PRLR: variants seen among roughly 807,000 people sequenced by gnomAD.
PRLR encodes the protein hPRL receptor.
Under a neutral mutation model 40.2 loss-of-function variants are expected in PRLR, and 13 were observed. The observed-to-expected ratio is 0.32, with a 90% CI of 0.21 to 0.51. The LOEUF is 0.51. PRLR is among the 20% of genes least tolerant of loss of function. The probability of loss-of-function intolerance (pLI) is 0.97; values close to 1 mark genes in which losing one functional copy is unlikely to be tolerated. For synonymous variants in PRLR, 269 were observed against 278.7 expected (o/e 0.97, Z 0.35); for missense variants, 656 against 747.3 (o/e 0.88, Z 1.42).
At chr5:35,108,349 A>G (rs1456353687) in intron 2 of PRLR, among the ~76,000 whole-genome samples, 1 of 152,210 alleles carries the variant, frequency 6.6e-6, no homozygotes, top group Non-Finnish European at 1.5e-5. Context: ...CTCCTATTCA[A>G]CATAGTATTG....
chr5:35,114,263 T>C (rs982412695), intron 2 of PRLR, among the ~76,000 whole-genome samples: 1 of 152,230 alleles, frequency 6.6e-6, no homozygotes, highest in Non-Finnish European at 1.5e-5. Flanking sequence ...ATCAGCCACA[T>C]TGAATTTGGC....
At position 35,059,148 on chromosome 5, in the gene PRLR, G is replaced by A. The variant is rs1768891861; in HGVS notation, c.*5941C>T. On this transcript the variant is annotated 3_prime_UTR_variant, in exon 10 of 10. Transcript: ENST00000618457. ...GCGTAATTTGACCATAACTATTAAAGGTTATTTTTTATATTACTACTTCAG... is the reference window on the plus strand; with the variant it reads ...GCGTAATTTGACCATAACTATTAAAAGTTATTTTTTATATTACTACTTCAG... 1 of 151,990 alleles carries A rather than the reference G, an allele frequency of 6.6e-6. No individual in the cohort carries two copies. Among genetic ancestry groups the A allele is most frequent in the South Asian group, 2.1e-4 (1 of 4,826 alleles). The allele number at this position is 151,990 out of a possible 1,614,324, so 9.4% of individuals were successfully genotyped here.
chr5:35,049,450 A>G, intron 8 of PRLR: 1 of 700,628 alleles, frequency 1.4e-6, no homozygotes, highest in Non-Finnish European at 2.6e-6. Context: ...AATAACTTCT[A>G]GAGGGAAAGT....
At chr5:35,096,625 C>CTT (rs563600576) in intron 2 of PRLR, among the ~76,000 whole-genome samples, 165 of 145,042 alleles carry the variant, frequency 1.1e-3, no homozygotes, top group Middle Eastern at 7.1e-3. Context: ...TCTTTACTTT[C>CTT]TTTTTTTTTT....
At chr5:35,204,171 C>T (rs1775950606) in intron 1 of PRLR, among the ~76,000 whole-genome samples, 1 of 150,794 alleles carries the variant, frequency 6.6e-6, no homozygotes, top group Non-Finnish European at 1.5e-5. Flanking sequence ...GAATGTTGCG[C>T]CGTTGTATTC....
At chr5:35,211,508 G>T (rs1322378192) in intron 1 of PRLR, among the ~76,000 whole-genome samples, 1 of 152,136 alleles carries the variant, frequency 6.6e-6, no homozygotes, top group Admixed American at 6.5e-5. Context: ...ACAGAATATG[G>T]TTAATACGAA....
intron 5 of PRLR, among the ~76,000 whole-genome samples, chr5:35,082,709 A>T (rs894407022): frequency 1.1e-4 from 17 of 152,190 alleles, no homozygotes; most frequent in African/African-American, 3.4e-4. Context: ...GTCATTCTGT[A>T]CTGCAGGTTA....
At chr5:35,083,524 C>CTTT (rs59813376) in intron 5 of PRLR, among the ~76,000 whole-genome samples, 3 of 136,436 alleles carry the variant, frequency 2.2e-5, no homozygotes, top group African/African-American at 8.2e-5. Context: ...CTTTTCTTTT[C>CTTT]TTTTTTTTTT....
rs148679436 is a variant in PRLR, at chr5:35,119,687, G to A, written c.-105-1565C>T. Among the ~76,000 whole-genome samples the A allele has an allele frequency of 1.0e-3, 154 of 152,268 alleles. 1 individual carries two copies. Among genetic ancestry groups the A allele is most frequent in the Non-Finnish European group, 5.0e-4 (34 of 68,012 alleles). On this transcript the variant is annotated intron_variant, in intron 1 of 9. Transcript: ENST00000618457. ...TCTAAGAATTATTTTAGAACTTAAA[G>A]TTCTCTCTTTGATTAGAGTTGTCCT...
At chr5:35,224,482 C>G (rs1579820307) in intron 1 of PRLR, among the ~76,000 whole-genome samples, 1 of 152,174 alleles carries the variant, frequency 6.6e-6, no homozygotes, top group Non-Finnish European at 1.5e-5. Context: ...CTGCCATTTC[C>G]CCCAGATTTG....
chr5:35,116,483 A>T (rs1007092075), intron 2 of PRLR, among the ~76,000 whole-genome samples: 1 of 152,214 alleles, frequency 6.6e-6, no homozygotes, highest in South Asian at 2.1e-4. Flanking sequence ...ACACAAATAC[A>T]AAGTAGCGGC....
intron 5 of PRLR, among the ~76,000 whole-genome samples, chr5:35,076,587 A>G (rs1436474161): frequency 6.6e-6 from 1 of 152,238 alleles, no homozygotes; most frequent in Non-Finnish European, 1.5e-5. Flanking sequence ...CCTGAAAGTG[A>G]CAGGGAGAAT....
At chr5:35,217,504 C>T (rs993954540) in intron 1 of PRLR, among the ~76,000 whole-genome samples, 8 of 152,188 alleles carry the variant, frequency 5.3e-5, no homozygotes, top group African/African-American at 1.7e-4. Flanking sequence ...TAAAGAGTCA[C>T]TGCTACTACT....
At chr5:35,070,511 C>A (rs1189194283) in intron 6 of PRLR, among the ~76,000 whole-genome samples, 1 of 152,048 alleles carries the variant, frequency 6.6e-6, no homozygotes, top group Admixed American at 6.6e-5. Context: ...TGCCTCCTTC[C>A]CACTTTATGA....
chr5:35,170,230 T>C (rs1333927014), intron 1 of PRLR, among the ~76,000 whole-genome samples: 2 of 152,192 alleles, frequency 1.3e-5, no homozygotes, highest in Non-Finnish European at 2.9e-5. Context: ...ATTGCAAAAT[T>C]TGAGTCTGAG....
Position 35,121,840 on chromosome 5 carries a change from T to C in PRLR, c.-105-3718A>G, listed in dbSNP as rs1773303200. On this transcript the variant is annotated intron_variant, in intron 1 of 9. Transcript: ENST00000618457. ...CTGTGCTCCAACCACAATTCCATTC[T>C]GCTTCTGGGTCATTCATTTATTCTT... Among the ~76,000 whole-genome samples the C allele has an allele frequency of 2.0e-5, 3 of 152,338 alleles. No individual in the cohort carries two copies. The South Asian group carries it at 6.2e-4, about 32-fold the overall frequency.
intron 2 of PRLR, among the ~76,000 whole-genome samples, chr5:35,115,083 A>G (rs1307150647): frequency 6.6e-6 from 1 of 152,232 alleles, no homozygotes; most frequent in Non-Finnish European, 1.5e-5. Context: ...CAGTGGTGGT[A>G]GCCACAAGCC....
At chr5:35,178,977 G>A (rs910740628) in intron 1 of PRLR, among the ~76,000 whole-genome samples, 8 of 152,118 alleles carry the variant, frequency 5.3e-5, no homozygotes, top group Non-Finnish European at 2.9e-5. Context: ...GCACTTCTGA[G>A]ACCTTTAGAG....
At chr5:35,155,007 G>C (rs1774446798) in intron 1 of PRLR, among the ~76,000 whole-genome samples, 1 of 152,008 alleles carries the variant, frequency 6.6e-6, no homozygotes, top group African/African-American at 2.4e-5. Flanking sequence ...TTCAGGGGAG[G>C]GTGGGCACCA....
Sources: allele counts gnomAD v4.1 joint callset (sites outside exome capture counted in the v4.1 genomes callset), GRCh38; gene constraint gnomAD v4.1.1; transcripts MANE v1.5; gene names NCBI Gene and HGNC (gene_info 2026-07-23, HGNC 2026-07-21).